Variants in NDST3 observed in about 807,000 individuals in gnomAD.
NDST3 encodes bifunctional heparan sulfate N-deacetylase/N-sulfotransferase 3.
In NDST3, 58 loss-of-function variants were observed where a neutral mutation model predicts 96.1. The observed-to-expected ratio is 0.60, with a 90% confidence interval of 0.49 to 0.75. The LOEUF (loss-of-function observed/expected upper bound fraction) is 0.75, where lower values mean the gene tolerates loss of function less well. Ranked by LOEUF, NDST3 falls within the 30% of genes least tolerant of loss-of-function variation. NDST3 has a pLI of 0.00. For missense variants in NDST3, 788 were observed against 1,034.2 expected (o/e 0.76, Z 3.27); for synonymous variants, 333 against 359.7 (o/e 0.93, Z 0.84).
At chr4:118,152,343 A>G (rs1734454355) in intron 6 of NDST3, among the ~76,000 whole-genome samples, 1 of 152,206 alleles carries the variant, frequency 6.6e-6, no homozygotes, top group African/African-American at 2.4e-5. Context: ...CCAGAAAGTA[A>G]TATTACTTCA....
chr4:118,206,022 C>G (rs1293379036), intron 6 of NDST3, among the ~76,000 whole-genome samples: 1 of 142,560 alleles, frequency 7.0e-6, no homozygotes, highest in African/African-American at 2.6e-5. Context: ...TTAGTAGAGA[C>G]AGGGTTTCAC....
chr4:118,238,240 A>G (rs1465601772), intron 10 of NDST3, among the ~76,000 whole-genome samples: 2 of 151,948 alleles, frequency 1.3e-5, no homozygotes, highest in Non-Finnish European at 2.9e-5. Context: ...AAAGAAGAAA[A>G]AAAGAAAGAA....
At chr4:118,228,200 A>G (rs1740033295) in intron 8 of NDST3, among the ~76,000 whole-genome samples, 1 of 152,234 alleles carries the variant, frequency 6.6e-6, no homozygotes, top group South Asian at 2.1e-4. Flanking sequence ...AAACAATAAT[A>G]AACATGACAA....
chr4:118,254,069 C>T (rs1470039635), intron 13 of NDST3, among the ~76,000 whole-genome samples: 1 of 151,912 alleles, frequency 6.6e-6, no homozygotes, highest in African/African-American at 2.4e-5. Flanking sequence ...GATAAAACCC[C>T]ATCTCTACTA....
chr4:118,077,900 C>T (rs1156561408), intron 2 of NDST3, among the ~76,000 whole-genome samples: 2 of 152,202 alleles, frequency 1.3e-5, no homozygotes, highest in East Asian at 1.9e-4. Context: ...GCCCACCTGG[C>T]TACCAGTGGC....
chr4:118,188,835 T>C (rs1463524516), intron 6 of NDST3, among the ~76,000 whole-genome samples: 1 of 152,098 alleles, frequency 6.6e-6, no homozygotes, highest in African/African-American at 2.4e-5. Context: ...TATGTGCTTG[T>C]GAAGTTTTCA....
At chr4:118,081,216 A>G (rs1156513940) in intron 2 of NDST3, among the ~76,000 whole-genome samples, 1 of 152,206 alleles carries the variant, frequency 6.6e-6, no homozygotes, top group African/African-American at 2.4e-5. Flanking sequence ...AGAACCCTAA[A>G]GTTCGAGAAC....
intron 6 of NDST3, among the ~76,000 whole-genome samples, chr4:118,196,293 G>T (rs1737680633): frequency 6.6e-6 from 1 of 152,116 alleles, no homozygotes; most frequent in Non-Finnish European, 1.5e-5. Context: ...CAGAGATACT[G>T]GCCTGTAGTT....
At chr4:118,132,102 C>T (rs970014011) in intron 4 of NDST3, among the ~76,000 whole-genome samples, 1 of 152,168 alleles carries the variant, frequency 6.6e-6, no homozygotes, top group Admixed American at 6.5e-5. Flanking sequence ...TAGGCCACTA[C>T]AATCAGCAGG....
Position 118,224,550 on chromosome 4 carries a change from A to C in NDST3, c.1599A>C (p.Thr533=). 3.1e-6 allele frequency: 5 copies of C among 1,612,906 alleles called. No individual in the cohort carries two copies. The highest frequency in any genetic ancestry group is 4.2e-6 in the Non-Finnish European group (5 of 1,179,348). The change falls in exon 7 of 14, where the codon ACA becomes ACC. Residue 533 remains threonine (T), a synonymous_variant. Coordinates refer to ENST00000296499, the MANE Select transcript of NDST3 (RefSeq NM_004784.3). ...NYGNDRLGLY[T]FVNLANFVKS... ...GGAATGACCGACTGGGATTATATAC[A>C]TTTGTTAATCTGGCCAACTTTGTGA...
At chr4:118,074,946 C>A (rs1727387194) in intron 2 of NDST3, among the ~76,000 whole-genome samples, 1 of 152,056 alleles carries the variant, frequency 6.6e-6, no homozygotes, top group Non-Finnish European at 1.5e-5. Context: ...TACATGTACA[C>A]CACATGCAGG....
At chr4:118,083,754 T>C (rs182158592) in intron 2 of NDST3, among the ~76,000 whole-genome samples, 318 of 152,328 alleles carry the variant, frequency 2.1e-3, no homozygotes, top group Non-Finnish European at 3.5e-3. Flanking sequence ...GAATGCATTA[T>C]TTTTTAGATG....
At chr4:118,191,745 T>C (rs866770024) in intron 6 of NDST3, among the ~76,000 whole-genome samples, 27 of 152,348 alleles carry the variant, frequency 1.8e-4, no homozygotes, top group African/African-American at 6.5e-4. Context: ...TTTAAAAACA[T>C]ACAATTAAAA....
chr4:118,246,880 G>A (rs1741344721), intron 12 of NDST3, among the ~76,000 whole-genome samples: 1 of 152,166 alleles, frequency 6.6e-6, no homozygotes, highest in African/African-American at 2.4e-5. Context: ...AATCCAAGGT[G>A]AGATTTGGTG....
rs1725289631 is a variant in NDST3, at chr4:118,054,613, T to C, written c.703T>C (p.Phe235Leu). 3 of 1,613,258 alleles carry C rather than the reference T, an allele frequency of 1.9e-6. No homozygotes were observed. In the East Asian group the frequency reaches 6.7e-5, roughly 36 times the overall value. The change falls in exon 2 of 14, where the codon TTT (phenylalanine) becomes CTT (leucine). Residue 235 changes from phenylalanine to leucine, a missense_variant. This residue lies in a region of NDST3 where 490 missense variants were observed against 708.8 expected (regional missense o/e 0.69). Transcript: ENST00000296499. ...INHSAYQPVI[F>L]AKVKTPENLS... ...TCATTCAGCCTATCAACCAGTAATA[T>C]TTGCCAAAGTAAAGACCCCAGAAAA... is the stretch of plus-strand genomic sequence containing the variant.
chr4:118,171,647 T>C (rs755248540), intron 6 of NDST3, among the ~76,000 whole-genome samples: 3 of 152,286 alleles, frequency 2.0e-5, no homozygotes, highest in Non-Finnish European at 4.4e-5. Context: ...GAAGCTTTAT[T>C]TGCATATGAG....
At chr4:118,120,702 G>C (rs888226090) in intron 4 of NDST3, among the ~76,000 whole-genome samples, 1 of 152,124 alleles carries the variant, frequency 6.6e-6, no homozygotes, top group Non-Finnish European at 1.5e-5. Context: ...AAAATAAAGA[G>C]GCATGATGCT....
chr4:118,037,296 G>GA (rs1232413914), intron 1 of NDST3, among the ~76,000 whole-genome samples: 49 of 152,266 alleles, frequency 3.2e-4, no homozygotes, highest in African/African-American at 1.2e-3. Flanking sequence ...TTTACTCATA[G>GA]AATAGTTACC....
At chr4:118,150,194 C>A (rs1407775319) in intron 6 of NDST3, among the ~76,000 whole-genome samples, 1 of 152,072 alleles carries the variant, frequency 6.6e-6, no homozygotes, top group Non-Finnish European at 1.5e-5. Flanking sequence ...CAATGTTCAT[C>A]AAGGATATTG....
Sources: allele counts gnomAD v4.1 joint callset (sites outside exome capture counted in the v4.1 genomes callset), GRCh38; gene constraint gnomAD v4.1.1; regional missense constraint gnomAD v4.1.1; transcripts MANE v1.5; gene names NCBI Gene and HGNC (gene_info 2026-07-23, HGNC 2026-07-21).